CNR1: variants seen among roughly 807,000 people sequenced by gnomAD.
CNR1 encodes cannabinoid receptor 1 (brain).
CNR1 carries 10 observed loss-of-function variants against 23.0 expected under a neutral mutation model. The ratio of observed to expected loss-of-function variants is 0.43; its 90% CI spans 0.27 to 0.74. The LOEUF (loss-of-function observed/expected upper bound fraction) is 0.74, where lower values mean the gene tolerates loss of function less well. Ranked by LOEUF, CNR1 falls within the 30% of genes least tolerant of loss-of-function variation. The probability of loss-of-function intolerance (pLI) is 0.19; values close to 1 mark genes in which losing one functional copy is unlikely to be tolerated. For synonymous variants in CNR1, 271 were observed against 255.2 expected (o/e 1.06, Z -0.59); for missense variants, 422 against 618.8 (o/e 0.68, Z 3.37).
At chr6:88,157,493 C>T (rs1265108951) in intron 1 of CNR1, among the ~76,000 whole-genome samples, 1 of 152,144 alleles carries the variant, frequency 6.6e-6, no homozygotes, top group African/African-American at 2.4e-5. Flanking sequence ...GTTATTACTA[C>T]TGCCTATGAA....
chr6:88,149,300 T>A (rs1340984736), intron 1 of CNR1, among the ~76,000 whole-genome samples: 1 of 152,184 alleles, frequency 6.6e-6, no homozygotes, highest in East Asian at 1.9e-4. Context: ...AACTCTCGAG[T>A]ATCCTTAGTA....
chr6:88,145,368 G>T, intron 1 of CNR1, 31 bp from the exon 2 acceptor site: 1 of 987,812 alleles, frequency 1.0e-6, no homozygotes, highest in Non-Finnish European at 1.5e-6. Flanking sequence ...TAAGCCGAAT[G>T]GTGAGAAACA....
intron 1 of CNR1, chr6:88,163,159 G>C (rs1215304404): frequency 6.6e-6 from 1 of 152,124 alleles, no homozygotes; most frequent in Non-Finnish European, 1.5e-5. Flanking sequence ...TTATAACATA[G>C]ATCAATTCAG....
At chr6:88,146,168 C>T (rs528353094) in intron 1 of CNR1, among the ~76,000 whole-genome samples, 1 of 152,098 alleles carries the variant, frequency 6.6e-6, no homozygotes, top group African/African-American at 2.4e-5. Context: ...TGCAGTGGCA[C>T]GATCTGGGCT....
intron 1 of CNR1, among the ~76,000 whole-genome samples, chr6:88,157,268 G>A (rs1348310047): frequency 6.6e-6 from 1 of 152,102 alleles, no homozygotes; most frequent in Non-Finnish European, 1.5e-5. Flanking sequence ...TTGCGAGCGT[G>A]TTTCCAAAAC....
chr6:88,155,051 AG>A (rs1382850139), intron 1 of CNR1, among the ~76,000 whole-genome samples: 1 of 152,264 alleles, frequency 6.6e-6, no homozygotes, highest in Non-Finnish European at 1.5e-5. Flanking sequence ...CAAAATGTGT[AG>A]AAACTAGTAA....
intron 1 of CNR1, among the ~76,000 whole-genome samples, chr6:88,154,301 A>T (rs1439405127): frequency 2.6e-5 from 4 of 152,224 alleles, no homozygotes; most frequent in Non-Finnish European, 5.9e-5. Context: ...GAAATATGCC[A>T]AAGATTTCAC....
chr6:88,146,967 C>G (rs903796032), intron 1 of CNR1, among the ~76,000 whole-genome samples: 1 of 152,078 alleles, frequency 6.6e-6, no homozygotes, highest in African/African-American at 2.4e-5. Flanking sequence ...AGCTACGGTA[C>G]TAGACACTAG....
rs141867933 is a variant in CNR1 at position 88,153,255 on chromosome 6, G to A, written c.-63-7918C>T. ...GCTAGCAAGCTATGGTATCATCAAAGGAATTTTGTGAGTATGGCTGCTGCA... is the reference window on the plus strand; with the variant it reads ...GCTAGCAAGCTATGGTATCATCAAAAGAATTTTGTGAGTATGGCTGCTGCA... On this transcript the variant is annotated intron_variant, in intron 1 of 1. Coordinates refer to ENST00000369501, the MANE Select transcript of CNR1 (RefSeq NM_016083.6). Among the ~76,000 whole-genome samples the A allele has an allele frequency of 8.4e-3, 1,282 of 152,032 alleles. 12 individuals are homozygous for A. The highest frequency in any genetic ancestry group is 0.01 in the Non-Finnish European group (696 of 67,950).
At chr6:88,167,153 C>T (rs989473856), upstream of CNR1, among the ~76,000 whole-genome samples, 3 of 152,062 alleles carry the variant, frequency 2.0e-5, no homozygotes, top group African/African-American at 7.2e-5. Flanking sequence ...GCCCGGCGCG[C>T]CCCCTCCCCG....
At chr6:88,153,263 G>T (rs942693024) in intron 1 of CNR1, among the ~76,000 whole-genome samples, 1 of 152,012 alleles carries the variant, frequency 6.6e-6, no homozygotes, top group African/African-American at 2.4e-5. Flanking sequence ...AAGGAATTTT[G>T]TGAGTATGGC....
intron 1 of CNR1, among the ~76,000 whole-genome samples, chr6:88,163,511 T>C (rs1778212612): frequency 6.6e-6 from 1 of 152,234 alleles, no homozygotes; most frequent in Non-Finnish European, 1.5e-5. Context: ...AAGAAGCCTG[T>C]CTAAATTTCC....
At chr6:88,150,390 C>T (rs1777454866) in intron 1 of CNR1, among the ~76,000 whole-genome samples, 1 of 152,220 alleles carries the variant, frequency 6.6e-6, no homozygotes, top group Admixed American at 6.5e-5. Flanking sequence ...TTACCCCTTC[C>T]AGAGATACTC....
chr6:88,164,476 T>C (rs1316562672), intron 1 of CNR1: 3 of 152,342 alleles, frequency 2.0e-5, no homozygotes, highest in Admixed American at 2.0e-4. Context: ...CTTCTGCTCA[T>C]GTATGGATAT....
At chr6:88,153,800 T>C (rs185073107) in intron 1 of CNR1, among the ~76,000 whole-genome samples, 1 of 152,366 alleles carries the variant, frequency 6.6e-6, no homozygotes, top group East Asian at 1.9e-4. Context: ...GTCTAAGTCA[T>C]GCTGTCAATA....
At chr6:88,160,566 C>T (rs1303269286) in intron 1 of CNR1, among the ~76,000 whole-genome samples, 2 of 151,638 alleles carry the variant, frequency 1.3e-5, no homozygotes, top group Admixed American at 6.6e-5. Flanking sequence ...TCCCGAGTAG[C>T]TGGGATTACA....
upstream of CNR1, among the ~76,000 whole-genome samples, chr6:88,167,078 G>C (rs1778399236): frequency 6.6e-6 from 1 of 151,784 alleles, no homozygotes; most frequent in African/African-American, 2.4e-5. Context: ...ACTCGGGCGC[G>C]CCCCGCCCGC....
Position 88,145,213 on chromosome 6 carries a change from A to T in CNR1, c.62T>A (p.Leu21Gln), listed in dbSNP as rs747783434. 1.9e-6 allele frequency: 3 copies of T among 1,614,032 alleles called. No homozygotes were observed. The highest frequency in any genetic ancestry group is 2.5e-6 in the Non-Finnish European group (3 of 1,180,042). The change falls in exon 2 of 2, where the codon CTG (leucine) becomes CAG (glutamine). Residue 21 changes from leucine (L) to glutamine (Q), a missense_variant. Physicochemically the swap from Leu to Gln is moderately radical, Grantham distance 113. Transcript: ENST00000369501. Reference sequence around the variant, plus strand: ...CTGAATGTCATTTGAGCCCACGTACAGGAGGTCAGTGGTGATGGTGCGGAA... The same window carrying T: ...CTGAATGTCATTTGAGCCCACGTACTGGAGGTCAGTGGTGATGGTGCGGAA... ...TTFRTITTDL[L>Q]YVGSNDIQYE...
Position 88,145,323 on chromosome 6 carries a change from C to T in CNR1, c.-49G>A. 1 of 1,458,416 alleles carries T rather than the reference C, an allele frequency of 6.9e-7. No homozygotes were observed. The highest frequency in any genetic ancestry group is 9.4e-7 in the Non-Finnish European group (1 of 1,063,492). 90.3% of individuals were successfully genotyped at this position (1,458,416 alleles called of 1,614,324 possible). ...AGCTCAAAATGACTGAGAAAGTGACCCACAGGGGGCAATCCTAAGAGGAGG... is the reference window on the plus strand; with the variant it reads ...AGCTCAAAATGACTGAGAAAGTGACTCACAGGGGGCAATCCTAAGAGGAGG... On this transcript the variant is annotated 5_prime_UTR_variant, in exon 2 of 2. An upstream open reading frame in the 5' UTR gains an earlier in-frame stop. Transcript: ENST00000369501.
Sources: gnomAD v4.1 joint callset for allele counts (sites outside exome capture counted in the v4.1 genomes callset) on GRCh38, gnomAD v4.1.1 for gene constraint, MANE v1.5 for transcripts, NCBI Gene and HGNC (gene_info 2026-07-23, HGNC 2026-07-21) for gene names.